The following PTDSS2 variants were observed in gnomAD, a reference collection of about 807,000 sequenced individuals.
The protein encoded by PTDSS2 is PSS-2.
PTDSS2 carries 41 observed loss-of-function variants against 64.7 expected under a neutral mutation model. That is an observed-to-expected ratio of 0.63 (90% CI 0.49 to 0.82). PTDSS2 has a LOEUF of 0.82. Ranked by LOEUF, PTDSS2 falls within the 40% of genes least tolerant of loss-of-function variation. The pLI is 0.00. For missense variants in PTDSS2, 485 were observed against 650.0 expected (o/e 0.75, Z 2.76); for synonymous variants, 297 against 277.8 (o/e 1.07, Z -0.69).
At chr11:485,529 C>T (rs1415886355) in intron 4 of PTDSS2, among the ~76,000 whole-genome samples, 3 of 133,686 alleles carry the variant, frequency 2.2e-5, no homozygotes, top group African/African-American at 5.9e-5. Context: ...TCACCGTGTG[C>T]GCAGGCGAGT....
At chr11:450,106 G>A (rs1257127282), upstream of PTDSS2, among the ~76,000 whole-genome samples, 1 of 152,198 alleles carries the variant, frequency 6.6e-6, no homozygotes, top group Non-Finnish European at 1.5e-5. Flanking sequence ...CCAAGCTCTG[G>A]AGGCCTTGGC....
intron 4 of PTDSS2, among the ~76,000 whole-genome samples, chr11:485,420 GAC>G (rs1305487372): frequency 1.4e-5 from 2 of 139,756 alleles, no homozygotes; most frequent in African/African-American, 2.7e-5. Flanking sequence ...ACAGTGCACG[GAC>G]GCGTGTGTGC....
intron 3 of PTDSS2, among the ~76,000 whole-genome samples, chr11:477,838 T>G (rs961061646): frequency 2.6e-5 from 4 of 152,248 alleles, no homozygotes; most frequent in African/African-American, 9.6e-5. Flanking sequence ...CTGGGAAGTT[T>G]CCAGGTTCTT....
In PTDSS2 at chr11:479,036, G is replaced by T. The variant is rs772433169; in HGVS notation, c.368-49G>T. Reference sequence around the variant, plus strand: ...AGCCGGCCTGGGGCTGAGCGGGGCCGTGGAGGCCTGGACCGGGCGCACTAA... The same window carrying T: ...AGCCGGCCTGGGGCTGAGCGGGGCCTTGGAGGCCTGGACCGGGCGCACTAA... On this transcript the variant is annotated intron_variant, in intron 3 of 11. Transcript: ENST00000308020. This position sits in a 1 kb window ranked among gnomAD's most constrained non-coding sequence, Gnocchi z 4.2. 3.9e-6 allele frequency: 6 copies of T among 1,531,854 alleles called. No homozygotes were observed. The South Asian group carries it at 4.5e-5, about 11-fold the overall frequency. 94.9% of individuals were successfully genotyped at this position (1,531,854 alleles called of 1,614,324 possible). A position where few individuals can be genotyped will look rare whatever the true frequency, so the allele number is the denominator to read the frequency against.
chr11:469,312 A>C (rs111164626), intron 2 of PTDSS2, among the ~76,000 whole-genome samples: 4,528 of 67,012 alleles, frequency 0.068, 252 homozygotes, highest in African/African-American at 0.1. Flanking sequence ...TCTCTGGGTA[A>C]TCGGAGGGAG....
chr11:468,728 A>AGG (rs1442263870), intron 2 of PTDSS2, among the ~76,000 whole-genome samples: 3 of 151,814 alleles, frequency 2.0e-5, no homozygotes, highest in Non-Finnish European at 4.4e-5. Flanking sequence ...GGATAATCAG[A>AGG]GAAGGAGGGG....
In PTDSS2 at chr11:489,864, C is replaced by A. The variant is rs966759281; in HGVS notation, c.1116-19C>A. 2.6e-6 allele frequency: 4 copies of A among 1,565,078 alleles called. No homozygotes were observed. The highest frequency in any genetic ancestry group is 2.3e-5 in the East Asian group (1 of 42,822). The stretch of plus-strand genomic sequence containing the variant: ...ACCCTGCGGGGCCCGGGACGCTGAA[C>A]CCCCTGCTGCCCCTGCAGGAAGCCC... On this transcript the variant is annotated intron_variant, in intron 10 of 11. Coordinates refer to ENST00000308020, the MANE Select transcript of PTDSS2 (RefSeq NM_030783.3).
chr11:487,947 C>T (rs1848470482), intron 6 of PTDSS2, among the ~76,000 whole-genome samples: 2 of 152,226 alleles, frequency 1.3e-5, no homozygotes, highest in Non-Finnish European at 2.9e-5. Context: ...GGGGGCCCTG[C>T]CAGTGCTGTC....
chr11:475,002 CG>C (rs1847674469), intron 3 of PTDSS2, among the ~76,000 whole-genome samples: 1 of 95,700 alleles, frequency 1.0e-5, no homozygotes, highest in Admixed American at 9.3e-5. Flanking sequence ...GACATATTCA[CG>C]AGTTTGTGTG....
Position 487,031 on chromosome 11 carries a change from C to T in PTDSS2, c.528C>T (p.Ile176=). ...PERDYGGNCL[I]YDPDNETDPF... ...GAGACTACGGGGGAAACTGCCTCAT[C>T]TACGACCCAGACAATGAGACTGACC... Residue 176 remains isoleucine, a synonymous_variant, in exon 5 of 12, where the codon ATC becomes ATT. Coordinates refer to ENST00000308020, the MANE Select transcript of PTDSS2 (RefSeq NM_030783.3). 1 of 1,613,628 alleles carries T rather than the reference C, an allele frequency of 6.2e-7. No homozygotes were observed. Among genetic ancestry groups the T allele is most frequent in the Non-Finnish European group, 8.5e-7 (1 of 1,179,962 alleles).
rs544632712 is a variant in PTDSS2, at chr11:470,494, G to A, written c.285-3401G>A. 1.3e-5 allele frequency among the ~76,000 whole-genome samples: 2 copies of A among 152,320 alleles called. No homozygotes were observed. Among genetic ancestry groups the A allele is most frequent in the Admixed American group, 1.3e-4 (2 of 15,298 alleles). ...CTTCCAGGAAGAGATTGTTGGGGGC[G>A]GGGCAGGGGGAAGGACATCAGGGGA... is the stretch of plus-strand genomic sequence containing the variant. On this transcript the variant is annotated intron_variant, in intron 2 of 11. Coordinates refer to ENST00000308020, the MANE Select transcript of PTDSS2 (RefSeq NM_030783.3). This position sits in a 1 kb window ranked among gnomAD's most constrained non-coding sequence, Gnocchi z 5.3.
chr11:473,956 C>T lies in PTDSS2; in HGVS notation c.346C>T (p.Pro116Ser), dbSNP rs140192632. 6.2e-7 allele frequency: 1 copy of T among 1,613,844 alleles called. No homozygotes were observed. The highest frequency in any genetic ancestry group is 1.3e-5 in the African/African-American group (1 of 74,926). ...TGGAGTCACACAAGCTAAAGACGGG[C>T]CATTTTCCAGACCTCATCCAGGTAA... ...CFGVTQAKDG[P>S]FSRPHPAYWR... The change falls in exon 3 of 12, where the codon CCA becomes TCA. Residue 116 changes from proline (P) to serine (S), a missense_variant. By Grantham distance (74) the Pro-to-Ser change is moderately conservative (BLOSUM62 -1). This residue lies in a region of PTDSS2 where 251 missense variants were observed against 348.0 expected (regional missense o/e 0.72). Transcript: ENST00000308020.
chr11:489,415 G>A lies in PTDSS2; in HGVS notation c.870G>A (p.Arg290=), dbSNP rs901795408. 6.2e-7 allele frequency: 1 copy of A among 1,613,094 alleles called. No homozygotes were observed. Among genetic ancestry groups the A allele is most frequent in the African/African-American group, 1.3e-5 (1 of 74,928 alleles). ...NIPTYKGKMK[R]IAFQFTPYSW... The stretch of plus-strand genomic sequence containing the variant: ...TGGTTCCCAGGGGCAAGATGAAGAG[G>A]ATCGCCTTCCAGTTCACGCCGTACA... Residue 290 remains arginine (R), a synonymous_variant, in exon 9 of 12, where the codon AGG becomes AGA. Coordinates refer to ENST00000308020, the MANE Select transcript of PTDSS2 (RefSeq NM_030783.3).
intron 2 of PTDSS2, among the ~76,000 whole-genome samples, chr11:471,478 C>G (rs911450141): frequency 2.0e-5 from 3 of 152,260 alleles, no homozygotes; most frequent in Non-Finnish European, 4.4e-5. Context: ...CTGTGTGACC[C>G]GGTCTGAGCT....
chr11:488,343 G>A (rs748450762), intron 7 of PTDSS2, 31 bp downstream of exon 7: 27 of 1,560,852 alleles, frequency 1.7e-5, no homozygotes, highest in East Asian at 4.5e-5. Context: ...CGGGGCAGTC[G>A]GTGCAGGCTG....
At chr11:464,603 C>T (rs972694886) in intron 2 of PTDSS2, among the ~76,000 whole-genome samples, 12 of 152,242 alleles carry the variant, frequency 7.9e-5, no homozygotes, top group African/African-American at 1.2e-4. Flanking sequence ...TGGCCTCTCC[C>T]GCTGGAGGGC....
In PTDSS2 at chr11:467,200, G is replaced by A. The variant is rs111748935; in HGVS notation, c.285-6695G>A. On this transcript the variant is annotated intron_variant, in intron 2 of 11. Transcript: ENST00000308020. ...AGGCAAAACTTTGTCTCAAAACAAA[G>A]CAAAACCTGGGTGAAAGGTCTAAGC... Among the ~76,000 whole-genome samples the A allele has an allele frequency of 8.0e-3, 1,219 of 152,130 alleles. 21 individuals are homozygous for A. The highest frequency in any genetic ancestry group is 0.028 in the African/African-American group (1,170 of 41,508).
chr11:451,342 CTG>C (rs1373306390), intron 1 of PTDSS2: 2 of 440,474 alleles, frequency 4.5e-6, no homozygotes, highest in South Asian at 1.6e-5. Flanking sequence ...GTGTGGCACT[CTG>C]TGTCCAGACA....
chr11:477,162 A>C (rs150052570), intron 3 of PTDSS2, among the ~76,000 whole-genome samples: 86 of 152,190 alleles, frequency 5.7e-4, no homozygotes, highest in Non-Finnish European at 1.0e-3. Context: ...CATGAGGAGG[A>C]GTGGAAATGG....
Sources: gnomAD v4.1 joint callset for allele counts (sites outside exome capture counted in the v4.1 genomes callset) on GRCh38, gnomAD v4.1.1 for gene constraint, gnomAD v4.1.1 regional missense constraint, Gnocchi (gnomAD v3.1) non-coding constraint, MANE v1.5 for transcripts, NCBI Gene and HGNC (gene_info 2026-07-23, HGNC 2026-07-21) for gene names.